The following FARS2 variants were observed in gnomAD, a reference collection of about 807,000 sequenced individuals.
FARS2 encodes the protein phenylalanyl-tRNA synthetase 2, mitochondrial.
FARS2 carries 40 observed loss-of-function variants against 46.4 expected under a neutral mutation model. The observed-to-expected ratio is 0.86, with a 90% CI of 0.67 to 1.12. FARS2 has a LOEUF of 1.12. Ranked by LOEUF, FARS2 falls within the 50% of genes most tolerant of loss-of-function variation. FARS2 has a pLI of 0.00. For synonymous variants in FARS2, 234 were observed against 214.9 expected, an observed-to-expected ratio of 1.09 and a Z score of -0.78; for missense variants, 513 against 567.9, an observed-to-expected ratio of 0.90 and a Z score of 0.98.
chr6:5,715,463 A>C (rs1193468991), intron 6 of FARS2, among the ~76,000 whole-genome samples: 3 of 152,122 alleles, frequency 2.0e-5, no homozygotes, highest in African/African-American at 4.8e-5. Context: ...TTTCCCTGCC[A>C]CTGCCCCCTG....
At chr6:5,615,978 A>C (rs1775448582) in intron 6 of FARS2, among the ~76,000 whole-genome samples, 1 of 147,922 alleles carries the variant, frequency 6.8e-6, no homozygotes, top group Non-Finnish European at 1.5e-5. Flanking sequence ...GGAGATAGAG[A>C]CTTTACACTT....
Position 5,405,480 on chromosome 6 carries a change from CTTTTT to C in FARS2, c.772+800_772+804del, listed in dbSNP as rs398000284. 3.0e-3 allele frequency among the ~76,000 whole-genome samples: 174 copies of C among 58,940 alleles called. 4 individuals are homozygous for C. Among genetic ancestry groups the C allele is most frequent in the Admixed American group, 8.4e-3 (33 of 3,948 alleles). The allele number at this position is 58,940 out of a possible 152,430, so 38.7% of individuals were successfully genotyped here. On this transcript the variant is annotated intron_variant, in intron 3 of 6. Coordinates refer to ENST00000274680, the MANE Select transcript of FARS2 (RefSeq NM_006567.5). ...AGGACGTGATCAGTGGAGCAAGGTT[CTTTTT>C]TTTTTTTTTTTTTTTTTTTTGAGAC... is the stretch of plus-strand genomic sequence containing the variant.
At chr6:5,321,888 C>T (rs1476031148) in intron 1 of FARS2, among the ~76,000 whole-genome samples, 1 of 152,178 alleles carries the variant, frequency 6.6e-6, no homozygotes, top group African/African-American at 2.4e-5. Flanking sequence ...GGTGTTATGA[C>T]ACACACAGAG....
intron 1 of FARS2, among the ~76,000 whole-genome samples, chr6:5,262,304 G>T (rs1272872697): frequency 6.6e-6 from 1 of 152,004 alleles, no homozygotes; most frequent in African/African-American, 2.4e-5. Flanking sequence ...TTGAGATGGA[G>T]TCTCGCTCTG....
intron 6 of FARS2, among the ~76,000 whole-genome samples, chr6:5,728,559 G>T (rs2150932636): frequency 6.6e-6 from 1 of 152,268 alleles, no homozygotes; most frequent in South Asian, 2.1e-4. Flanking sequence ...ATGATTCTCT[G>T]CCTGCAGTAA....
At position 5,688,961 on chromosome 6, in the gene FARS2, G is replaced by T. The variant is rs868766430; in HGVS notation, c.1217+75641G>T. ...GTATGTGTCGAGGAATTTATCCATT[G>T]CTTCTAGATTTTCTAGTTTATTTGC... On this transcript the variant is annotated intron_variant, in intron 6 of 6. Coordinates refer to ENST00000274680, the MANE Select transcript of FARS2 (RefSeq NM_006567.5). Among the ~76,000 whole-genome samples the T allele has an allele frequency of 2.1e-3, 317 of 152,142 alleles. 1 individual carries two copies. The highest frequency in any genetic ancestry group is 0.014 in the Middle Eastern group (4 of 294).
At chr6:5,669,917 G>A (rs894855442) in intron 6 of FARS2, among the ~76,000 whole-genome samples, 2 of 152,150 alleles carry the variant, frequency 1.3e-5, no homozygotes, top group African/African-American at 2.4e-5. Context: ...TGCTTGCACA[G>A]CTCATGACCT....
intron 6 of FARS2, among the ~76,000 whole-genome samples, chr6:5,631,669 G>T (rs1399241204): frequency 3.3e-5 from 5 of 152,208 alleles, no homozygotes. Flanking sequence ...TCAGCCAGTG[G>T]CTGGACCAAG....
Position 5,326,859 on chromosome 6 carries a change from C to G in FARS2, c.-21-41691C>G, listed in dbSNP as rs542878681. ...TTGGAATTAGAAACCTATTTACATA[C>G]ACTTAGCATTAATTTACATATAATC... On this transcript the variant is annotated intron_variant, in intron 1 of 6. Coordinates refer to ENST00000274680, the MANE Select transcript of FARS2 (RefSeq NM_006567.5). Among the ~76,000 whole-genome samples the G allele has an allele frequency of 2.0e-5, 3 of 152,286 alleles. No homozygotes were observed. In the East Asian group the frequency reaches 5.8e-4, roughly 29 times the overall value.
chr6:5,737,224 T>C (rs1022738521), intron 6 of FARS2, among the ~76,000 whole-genome samples: 2 of 151,994 alleles, frequency 1.3e-5, no homozygotes, highest in Non-Finnish European at 2.9e-5. Context: ...AAACAAGAAA[T>C]AGAATAGGCT....
chr6:5,391,826 CT>C (rs1760538051), intron 2 of FARS2, among the ~76,000 whole-genome samples: 1 of 152,144 alleles, frequency 6.6e-6, no homozygotes, highest in South Asian at 2.1e-4. Context: ...TTGCAATCTA[CT>C]TTTATTCTTA....
chr6:5,260,872 G>C, upstream of FARS2: 5 of 1,447,070 alleles, frequency 3.5e-6, no homozygotes, highest in Non-Finnish European at 4.5e-6. Flanking sequence ...CCGGGCCTAA[G>C]CCTAAGCGGG....
chr6:5,622,368 T>C (rs972771500), intron 6 of FARS2, among the ~76,000 whole-genome samples: 1 of 152,252 alleles, frequency 6.6e-6, no homozygotes, highest in African/African-American at 2.4e-5. Flanking sequence ...TTTAAACTTT[T>C]CTAGGCTATT....
At chr6:5,640,201 C>T (rs777625838) in intron 6 of FARS2, among the ~76,000 whole-genome samples, 3 of 151,800 alleles carry the variant, frequency 2.0e-5, no homozygotes, top group Non-Finnish European at 2.9e-5. Flanking sequence ...TGGATGCACA[C>T]GTGTACACAC....
At chr6:5,375,061 T>A (rs1248914229) in intron 2 of FARS2, among the ~76,000 whole-genome samples, 3 of 152,084 alleles carry the variant, frequency 2.0e-5, no homozygotes, top group Admixed American at 1.3e-4. Flanking sequence ...TTCATCATTA[T>A]GTGGTAAATT....
chr6:5,645,860 CAAAG>C (rs1777050573), intron 6 of FARS2, among the ~76,000 whole-genome samples: 1 of 152,200 alleles, frequency 6.6e-6, no homozygotes, highest in African/African-American at 2.4e-5. Context: ...TGCATTTCAA[CAAAG>C]AACCTTTTCA....
intron 1 of FARS2, among the ~76,000 whole-genome samples, chr6:5,359,445 A>T (rs1273295005): frequency 6.6e-6 from 1 of 152,264 alleles, no homozygotes; most frequent in South Asian, 2.1e-4. Flanking sequence ...TTATTTTTTT[A>T]AAAAGACATT....
In FARS2 at chr6:5,503,525, C is replaced by T. The variant is rs9504418; in HGVS notation, c.905-41655C>T. 4.4e-3 allele frequency among the ~76,000 whole-genome samples: 668 copies of T among 150,794 alleles called. 3 individuals carry two copies. Among genetic ancestry groups the T allele is most frequent in the African/African-American group, 0.015 (631 of 41,106 alleles). Reference sequence around the variant, plus strand: ...TATATTAAAACATCTTATTGCATACCGCAAGTACATATGATTTTAAAAGAA... The same window carrying T: ...TATATTAAAACATCTTATTGCATACTGCAAGTACATATGATTTTAAAAGAA... On this transcript the variant is annotated intron_variant, in intron 4 of 6. Transcript: ENST00000274680.
chr6:5,645,184 G>A (rs145680891), intron 6 of FARS2, among the ~76,000 whole-genome samples: 186 of 152,298 alleles, frequency 1.2e-3, no homozygotes, highest in African/African-American at 4.3e-3. Context: ...TACACAGAAT[G>A]ACAGTCATTC....
Sources: allele counts gnomAD v4.1 joint callset (sites outside exome capture counted in the v4.1 genomes callset), GRCh38; gene constraint gnomAD v4.1.1; transcripts MANE v1.5; gene names NCBI Gene and HGNC (gene_info 2026-07-23, HGNC 2026-07-21).